The following CPQ variants were observed in gnomAD, a reference collection of about 807,000 sequenced individuals.
CPQ encodes Ser-Met dipeptidase.
CPQ carries 37 observed loss-of-function variants against 45.7 expected under a neutral mutation model. That is an observed-to-expected ratio of 0.81 (90% CI 0.62 to 1.07). The LOEUF (loss-of-function observed/expected upper bound fraction) is 1.07, where lower values mean the gene tolerates loss of function less well. Among genes scored for constraint, CPQ ranks in the 50% least tolerant of loss-of-function variants. The pLI, the probability that CPQ is intolerant of heterozygous loss-of-function variation, is 0.00. For missense variants in CPQ, 537 were observed against 572.9 expected (o/e 0.94, Z 0.64); for synonymous variants, 186 against 205.8 (o/e 0.90, Z 0.82).
chr8:96,880,447 A>G (rs975973943), intron 4 of CPQ, among the ~76,000 whole-genome samples: 9 of 150,196 alleles, frequency 6.0e-5, no homozygotes, highest in African/African-American at 2.0e-4. Flanking sequence ...AGCACTATTC[A>G]CAATAGCAAA....
intron 5 of CPQ, among the ~76,000 whole-genome samples, chr8:96,981,141 G>C (rs1813888982): frequency 6.6e-6 from 1 of 152,022 alleles, no homozygotes; most frequent in African/African-American, 2.4e-5. Context: ...AATTTACCCT[G>C]GGGCCTGAAT....
intron 5 of CPQ, among the ~76,000 whole-genome samples, chr8:97,019,124 A>G (rs1028804525): frequency 1.3e-5 from 2 of 152,190 alleles, no homozygotes; most frequent in African/African-American, 4.8e-5. Flanking sequence ...GTACCCGGCG[A>G]AATTAAGCTT....
Position 96,738,897 on chromosome 8 carries a change from T to C in CPQ, c.-34-45967T>C, listed in dbSNP as rs968367425. Among the ~76,000 whole-genome samples the C allele has an allele frequency of 5.9e-5, 9 of 152,188 alleles. No homozygotes were observed. In the East Asian group the frequency reaches 1.5e-3, roughly 26 times the overall value. ...TGGGTTGGTTCCAAGTCTTTGCTAT[T>C]GTGAATAATGCCGCAATAAACATAG... On this transcript the variant is annotated intron_variant, in intron 1 of 7. Transcript: ENST00000220763.
chr8:96,843,204 C>A (rs1811638870), intron 3 of CPQ, among the ~76,000 whole-genome samples: 1 of 152,100 alleles, frequency 6.6e-6, no homozygotes, highest in Non-Finnish European at 1.5e-5. Flanking sequence ...CTGAGCCTGG[C>A]CTTTTGTGGG....
chr8:96,690,099 G>C (rs1809286525), intron 1 of CPQ, among the ~76,000 whole-genome samples: 1 of 151,780 alleles, frequency 6.6e-6, no homozygotes, highest in Non-Finnish European at 1.5e-5. Flanking sequence ...TGTATACTTA[G>C]TTTGCATTTT....
intron 2 of CPQ, among the ~76,000 whole-genome samples, chr8:96,813,061 A>T (rs1282714160): frequency 6.6e-6 from 1 of 152,104 alleles, no homozygotes; most frequent in Non-Finnish European, 1.5e-5. Context: ...CCTACTCAGA[A>T]ACTTTCAGTG....
chr8:96,978,045 A>G (rs1338253491), intron 5 of CPQ, among the ~76,000 whole-genome samples: 2 of 152,158 alleles, frequency 1.3e-5, no homozygotes, highest in Non-Finnish European at 2.9e-5. Context: ...GTTTATGGCC[A>G]TGGGGCATCT....
At chr8:96,768,854 A>G (rs1409335668) in intron 1 of CPQ, among the ~76,000 whole-genome samples, 1 of 152,196 alleles carries the variant, frequency 6.6e-6, no homozygotes, top group African/African-American at 2.4e-5. Context: ...ACTGAAAGGC[A>G]TAATCCAAAG....
intron 1 of CPQ, among the ~76,000 whole-genome samples, chr8:96,741,506 C>T (rs994992658): frequency 6.6e-6 from 1 of 151,988 alleles, no homozygotes; most frequent in African/African-American, 2.4e-5. Context: ...TTATTTCTTG[C>T]CTTCTGCTAG....
intron 1 of CPQ, among the ~76,000 whole-genome samples, chr8:96,650,342 C>G (rs909103815): frequency 9.2e-5 from 14 of 152,306 alleles, no homozygotes; most frequent in African/African-American, 3.4e-4. Context: ...CAGATCAACG[C>G]AGTGTTCTCT....
intron 1 of CPQ, among the ~76,000 whole-genome samples, chr8:96,652,859 C>T (rs1469190316): frequency 2.6e-5 from 4 of 152,196 alleles, no homozygotes; most frequent in African/African-American, 9.6e-5. Context: ...TTGTCTCGAT[C>T]TCCTGACCTC....
At chr8:97,138,990 T>C (rs1812108892) in intron 7 of CPQ, among the ~76,000 whole-genome samples, 1 of 151,698 alleles carries the variant, frequency 6.6e-6, no homozygotes, top group Admixed American at 6.6e-5. Context: ...AATAAACAGA[T>C]AGAAGCAAAA....
intron 1 of CPQ, among the ~76,000 whole-genome samples, chr8:96,667,277 A>G (rs115243895): frequency 0.024 from 3,671 of 152,158 alleles, 161 homozygotes; most frequent in African/African-American, 0.084. Context: ...TTTATAAATC[A>G]TAATGTAGTT....
chr8:96,744,182 G>A (rs531758438), intron 1 of CPQ, among the ~76,000 whole-genome samples: 3 of 152,240 alleles, frequency 2.0e-5, no homozygotes, highest in East Asian at 1.9e-4. Flanking sequence ...CTCCTGGTTC[G>A]CCGTTTTTTA....
At chr8:96,861,879 A>G (rs1415771089) in intron 3 of CPQ, among the ~76,000 whole-genome samples, 1 of 152,092 alleles carries the variant, frequency 6.6e-6, no homozygotes, top group African/African-American at 2.4e-5. Context: ...GGCACTCAGG[A>G]AGAAAAGCAC....
intron 1 of CPQ, among the ~76,000 whole-genome samples, chr8:96,745,927 T>A (rs752431814): frequency 1.3e-5 from 2 of 152,178 alleles, no homozygotes; most frequent in Non-Finnish European, 2.9e-5. Context: ...GACGCTTGGA[T>A]TAGATGGTCA....
chr8:97,011,399 C>G (rs539922240), intron 5 of CPQ, among the ~76,000 whole-genome samples: 1 of 152,188 alleles, frequency 6.6e-6, no homozygotes, highest in African/African-American at 2.4e-5. Context: ...ATATGGACCA[C>G]TGGGTAACAG....
intron 1 of CPQ, among the ~76,000 whole-genome samples, chr8:96,674,709 G>C (rs1809052572): frequency 6.6e-6 from 1 of 152,068 alleles, no homozygotes; most frequent in Admixed American, 6.6e-5. Context: ...CCCTGATGCA[G>C]CTACATCCCA....
At chr8:97,058,295 A>G (rs1403075766) in intron 6 of CPQ, among the ~76,000 whole-genome samples, 1 of 152,164 alleles carries the variant, frequency 6.6e-6, no homozygotes, top group African/African-American at 2.4e-5. Flanking sequence ...TAACCTGTCT[A>G]CTTATGGGTA....
Sources: allele counts gnomAD v4.1 joint callset (sites outside exome capture counted in the v4.1 genomes callset), GRCh38; gene constraint gnomAD v4.1.1; transcripts MANE v1.5; gene names NCBI Gene and HGNC (gene_info 2026-07-23, HGNC 2026-07-21).